The following LEPR variants were observed in gnomAD, a reference collection of about 807,000 sequenced individuals.
LEPR encodes OB receptor.
LEPR carries 56 observed loss-of-function variants against 114.7 expected under a neutral mutation model. The observed-to-expected ratio is 0.49, with a 90% CI of 0.39 to 0.61. The LOEUF is 0.61. LEPR is among the 20% of genes least tolerant of loss of function. The pLI is 0.00. For missense variants in LEPR, 1,202 were observed against 1,352.9 expected (o/e 0.89, Z 1.75); for synonymous variants, 443 against 461.4 (o/e 0.96, Z 0.51).
intron 5 of LEPR, among the ~76,000 whole-genome samples, chr1:65,580,992 A>G (rs1462100314): frequency 1.3e-5 from 2 of 152,178 alleles, no homozygotes; most frequent in Non-Finnish European, 2.9e-5. Context: ...CCTCCAGGTC[A>G]TGCTTGGAGT....
At chr1:65,518,923 T>TTCTCTCTTTC (rs141195595) in intron 2 of LEPR, among the ~76,000 whole-genome samples, 16 of 118,824 alleles carry the variant, frequency 1.3e-4, no homozygotes, top group African/African-American at 3.2e-4. Context: ...CTTTCTCTCT[T>TTCTCTCTTTC]TCTCTGTTTC....
At chr1:65,457,867 G>A (rs1035160740) in intron 2 of LEPR, among the ~76,000 whole-genome samples, 2 of 152,196 alleles carry the variant, frequency 1.3e-5, no homozygotes, top group Non-Finnish European at 2.9e-5. Context: ...CAAAGCTGAA[G>A]TTGATAGTAT....
intron 2 of LEPR, among the ~76,000 whole-genome samples, chr1:65,476,836 C>T (rs977006933): frequency 6.6e-6 from 1 of 152,182 alleles, no homozygotes; most frequent in Non-Finnish European, 1.5e-5. Flanking sequence ...CCCAGAACTA[C>T]TAGAATCTTT....
intron 2 of LEPR, among the ~76,000 whole-genome samples, chr1:65,480,006 G>T (rs1027176946): frequency 2.6e-5 from 4 of 152,160 alleles, no homozygotes; most frequent in Non-Finnish European, 4.4e-5. Context: ...ACAGAAGCAG[G>T]CCAGAAGGAA....
chr1:65,537,685 C>A (rs537463247), intron 2 of LEPR, among the ~76,000 whole-genome samples: 26 of 152,274 alleles, frequency 1.7e-4, no homozygotes, highest in African/African-American at 6.0e-4. Context: ...TTTCTCCTCT[C>A]ACCATCTCTC....
At chr1:65,472,445 C>CACACACACACACAT in intron 2 of LEPR, among the ~76,000 whole-genome samples, 1 of 131,792 alleles carries the variant, frequency 7.6e-6, no homozygotes, top group Non-Finnish European at 1.6e-5. Context: ...CACACACACA[C>CACACACACACACAT]GTGTGTATAT....
intron 2 of LEPR, among the ~76,000 whole-genome samples, chr1:65,535,275 A>T (rs1383374016): frequency 3.3e-5 from 5 of 150,454 alleles, no homozygotes; most frequent in Non-Finnish European, 5.9e-5. Flanking sequence ...ATCATATTAG[A>T]CCTATCCAGG....
At chr1:65,479,616 A>G (rs1266809694) in intron 2 of LEPR, among the ~76,000 whole-genome samples, 2 of 152,186 alleles carry the variant, frequency 1.3e-5, no homozygotes, top group African/African-American at 4.8e-5. Context: ...AATAAAGAAA[A>G]TGGGTTTTGA....
chr1:65,532,684 A>G (rs1650486624), intron 2 of LEPR, among the ~76,000 whole-genome samples: 1 of 151,428 alleles, frequency 6.6e-6, no homozygotes, highest in South Asian at 2.1e-4. Flanking sequence ...AAATGCTTCA[A>G]CACGATGATC....
chr1:65,470,027 G>C (rs993007251), intron 2 of LEPR, among the ~76,000 whole-genome samples: 6 of 152,158 alleles, frequency 3.9e-5, no homozygotes, highest in African/African-American at 1.4e-4. Flanking sequence ...CTTTATTCTG[G>C]GGGGAAATGT....
chr1:65,425,503 A>G, intron 2 of LEPR, 125 bp downstream of exon 2: 1 of 693,506 alleles, frequency 1.4e-6, no homozygotes, highest in Non-Finnish European at 2.3e-6. Flanking sequence ...AGCCCAGTTT[A>G]TGAACACAGT....
At chr1:65,455,147 C>A (rs1646850198) in intron 2 of LEPR, among the ~76,000 whole-genome samples, 3 of 152,174 alleles carry the variant, frequency 2.0e-5, no homozygotes, top group African/African-American at 7.2e-5. Flanking sequence ...CTCCTTTAAG[C>A]ACTTCTCTGT....
chr1:65,550,573 CT>C (rs1652235827), intron 2 of LEPR, among the ~76,000 whole-genome samples: 1 of 152,212 alleles, frequency 6.6e-6, no homozygotes, highest in African/African-American at 2.4e-5. Flanking sequence ...TCTCAGACTG[CT>C]GTGCTAGCAA....
rs751425285 is a variant in LEPR, at chr1:65,621,439, T to A, written c.2578T>A (p.Leu860Ile). 6.2e-7 allele frequency: 1 copy of A among 1,612,924 alleles called. No homozygotes were observed. The highest frequency in any genetic ancestry group is 8.5e-7 in the Non-Finnish European group (1 of 1,179,228). Reference sequence around the variant, plus strand: ...CTCTTCCATCTTATTGCTTGGAACATTATTAATATCACACCAAAGGTATTG... The same window carrying A: ...CTCTTCCATCTTATTGCTTGGAACAATATTAATATCACACCAAAGGTATTG... ...ISSSILLLGT[L>I]LISHQRMKKL... The change falls in exon 18 of 20, where the codon TTA (leucine) becomes ATA (isoleucine). Residue 860 changes from leucine to isoleucine, a missense_variant. Coordinates refer to ENST00000349533, the MANE Select transcript of LEPR (RefSeq NM_002303.6).
intron 2 of LEPR, among the ~76,000 whole-genome samples, chr1:65,480,968 A>AC (rs1023073518): frequency 6.6e-6 from 1 of 152,210 alleles, no homozygotes; most frequent in Non-Finnish European, 1.5e-5. Context: ...ATAACAAAAT[A>AC]CCATAGACTG....
intron 2 of LEPR, among the ~76,000 whole-genome samples, chr1:65,488,777 T>C (rs2100484391): frequency 6.6e-6 from 1 of 152,160 alleles, no homozygotes; most frequent in Admixed American, 6.6e-5. Context: ...CTGCTATCCT[T>C]CCCAGCCTCT....
chr1:65,522,904 A>C (rs1283623399), intron 2 of LEPR, among the ~76,000 whole-genome samples: 1 of 151,110 alleles, frequency 6.6e-6, no homozygotes, highest in Non-Finnish European at 1.5e-5. Context: ...GCTTTGCTCT[A>C]GTAAATTCTA....
At chr1:65,511,902 A>G (rs1649052466) in intron 2 of LEPR, among the ~76,000 whole-genome samples, 1 of 152,210 alleles carries the variant, frequency 6.6e-6, no homozygotes, top group Admixed American at 6.5e-5. Context: ...TAATTGCTGT[A>G]AAGAAATACC....
At chr1:65,423,270 T>A (rs1307286772) in intron 1 of LEPR, among the ~76,000 whole-genome samples, 1 of 152,046 alleles carries the variant, frequency 6.6e-6, no homozygotes, top group Non-Finnish European at 1.5e-5. Context: ...GGGTTGAACA[T>A]AAGTTTTCAG....
Sources: gnomAD v4.1 joint callset for allele counts (sites outside exome capture counted in the v4.1 genomes callset) on GRCh38, gnomAD v4.1.1 for gene constraint, MANE v1.5 for transcripts, NCBI Gene and HGNC (gene_info 2026-07-23, HGNC 2026-07-21) for gene names.